Variants in OPHN1 observed in about 807,000 individuals in gnomAD.
OPHN1 encodes oligophrenin-1.
OPHN1 carries 11 observed loss-of-function variants against 60.7 expected under a neutral mutation model. The ratio of observed to expected loss-of-function variants is 0.18; its 90% CI spans 0.11 to 0.30. The LOEUF is 0.30. Ranked by LOEUF, OPHN1 falls within the 10% of genes least tolerant of loss-of-function variation. The pLI, the probability that OPHN1 is intolerant of heterozygous loss-of-function variation, is 1.00. For missense variants in OPHN1, 449 were observed against 611.0 expected (o/e 0.73, Z 2.80); for synonymous variants, 226 against 222.6 (o/e 1.02, Z -0.14).
Position 68,278,338 on chromosome X carries a change from T to G in OPHN1, c.313-3529A>C, listed in dbSNP as rs149254879. On this transcript the variant is annotated intron_variant, in intron 4 of 24. Transcript: ENST00000355520. Reference sequence around the variant, plus strand: ...GCAATGACTCCCCTTTGAAGTAAATTTGGCCTTTAATCTCTTTTCTAATCA... The same window carrying G: ...GCAATGACTCCCCTTTGAAGTAAATGTGGCCTTTAATCTCTTTTCTAATCA... Among the ~76,000 whole-genome samples the G allele has an allele frequency of 3.8e-3, 425 of 112,281 alleles. 1 individual carries two copies. Among genetic ancestry groups the G allele is most frequent in the South Asian group, 7.1e-3 (19 of 2,673 alleles).
chrX:68,389,670 A>AAAAG, intron 2 of OPHN1, among the ~76,000 whole-genome samples: 1 of 106,524 alleles, frequency 9.4e-6, no homozygotes, highest in Non-Finnish European at 1.9e-5. Flanking sequence ...AAAAAAAAAA[A>AAAAG]GCCATAAAAA....
intron 5 of OPHN1, among the ~76,000 whole-genome samples, chrX:68,254,915 G>A (rs146648334): frequency 1.8e-5 from 2 of 108,194 alleles, no homozygotes; most frequent in Non-Finnish European, 3.8e-5. Flanking sequence ...CTACCTGGGC[G>A]GGGCTGAGGC....
chrX:68,140,889 G>C (rs955905715), intron 15 of OPHN1, among the ~76,000 whole-genome samples: 1 of 111,314 alleles, frequency 9.0e-6, no homozygotes, highest in African/African-American at 3.3e-5. Context: ...CAGACAATGA[G>C]GCTTCAGGGA....
intron 2 of OPHN1, among the ~76,000 whole-genome samples, chrX:68,320,263 C>T (rs1348850508): frequency 9.0e-6 from 1 of 111,006 alleles, no homozygotes. Context: ...GCAGGAGAAT[C>T]GCTTGAACCC....
At chrX:68,195,367 G>T (rs1880195310) in intron 12 of OPHN1, among the ~76,000 whole-genome samples, 1 of 112,115 alleles carries the variant, frequency 8.9e-6, no homozygotes, top group South Asian at 3.8e-4. Flanking sequence ...ACCAAGATTT[G>T]TCTGTGTTGT....
intron 4 of OPHN1, among the ~76,000 whole-genome samples, chrX:68,279,349 G>A (rs1336232025): frequency 1.9e-5 from 2 of 107,687 alleles, no homozygotes; most frequent in Admixed American, 1.0e-4. Context: ...GGCCTCAAGC[G>A]ATCTGCCTGC....
intron 2 of OPHN1, among the ~76,000 whole-genome samples, chrX:68,369,449 GACAA>G (rs2078516201): frequency 1.8e-5 from 2 of 110,958 alleles, no homozygotes; most frequent in South Asian, 3.8e-4. Context: ...AAAATCACAA[GACAA>G]ACAAAGAAAC....
intron 18 of OPHN1, 73 bp downstream of exon 18, chrX:68,111,781 G>A: frequency 1.4e-6 from 1 of 710,110 alleles, no homozygotes; most frequent in Admixed American, 2.2e-5. Context: ...CTGAGAGGCA[G>A]TTTCTGTGTA....
intron 2 of OPHN1, among the ~76,000 whole-genome samples, chrX:68,384,448 C>T (rs2078613748): frequency 1.8e-5 from 2 of 111,936 alleles, no homozygotes; most frequent in Admixed American, 1.9e-4. Flanking sequence ...GGCCGGGCAC[C>T]GTGGCTCACG....
chrX:68,293,586 T>C (rs887716237), intron 3 of OPHN1, among the ~76,000 whole-genome samples: 3 of 112,201 alleles, frequency 2.7e-5, no homozygotes, highest in Admixed American at 1.9e-4. Flanking sequence ...TAAAACCCCA[T>C]GGGTGACATT....
intron 2 of OPHN1, among the ~76,000 whole-genome samples, chrX:68,323,144 T>C (rs894726798): frequency 8.9e-6 from 1 of 112,087 alleles, no homozygotes; most frequent in African/African-American, 3.2e-5. Flanking sequence ...ATAAAATGCA[T>C]AGAACGATAC....
chrX:68,221,061 G>A (rs1218077964), intron 6 of OPHN1, among the ~76,000 whole-genome samples: 3 of 102,660 alleles, frequency 2.9e-5, no homozygotes, highest in Non-Finnish European at 6.0e-5. Context: ...ATCTCCTTAA[G>A]CTGATAAGCA....
At chrX:68,310,170 G>T (rs2078166068) in intron 2 of OPHN1, among the ~76,000 whole-genome samples, 1 of 111,130 alleles carries the variant, frequency 9.0e-6, no homozygotes, top group African/African-American at 3.3e-5. Context: ...AACAAGAATT[G>T]ACTATATGTG....
chrX:68,073,522 T>C (rs982169677), intron 19 of OPHN1, among the ~76,000 whole-genome samples: 1 of 111,980 alleles, frequency 8.9e-6, no homozygotes, highest in South Asian at 3.7e-4. Context: ...CTTCTCAGTT[T>C]GGAAGAAAAA....
At chrX:68,317,392 G>A (rs187441481) in intron 2 of OPHN1, among the ~76,000 whole-genome samples, 171 of 58,733 alleles carry the variant, frequency 2.9e-3, no homozygotes, top group African/African-American at 3.8e-3. Flanking sequence ...AGGAAGGAAG[G>A]AAGGAAGGAA....
In OPHN1 at chrX:68,145,506, A is replaced by G. The variant is rs1164734035; in HGVS notation, c.1277-26174T>C. Among the ~76,000 whole-genome samples, 7 of 111,993 alleles carry G rather than the reference A, an allele frequency of 6.3e-5. No homozygotes were observed. In the Admixed American group the frequency reaches 6.6e-4, roughly 11 times the overall value. ...TTGCATACTAATGTTTTTTATTCGT[A>G]AAGTATTTCAAATATAAAGACAAAA... is the stretch of plus-strand genomic sequence containing the variant. On this transcript the variant is annotated intron_variant, in intron 15 of 24. Transcript: ENST00000355520.
chrX:68,376,472 C>A (rs749703115), intron 2 of OPHN1, among the ~76,000 whole-genome samples: 1 of 110,905 alleles, frequency 9.0e-6, no homozygotes, highest in Admixed American at 9.7e-5. Context: ...AGATAGGAAA[C>A]AGAGATAAAG....
chrX:68,042,506 T>C lies in OPHN1; in HGVS notation c.*4666A>G, dbSNP rs1201338765. 3 of 111,307 alleles carry C rather than the reference T, an allele frequency of 2.7e-5. No homozygotes were observed. Among genetic ancestry groups the C allele is most frequent in the Non-Finnish European group, 5.7e-5 (3 of 53,062 alleles). 9.2% of individuals were successfully genotyped at this position (111,307 alleles called of 1,213,427 possible). On this transcript the variant is annotated 3_prime_UTR_variant, in exon 25 of 25. Coordinates refer to ENST00000355520, the MANE Select transcript of OPHN1 (RefSeq NM_002547.3). ...AAGTGCTTCATTTCCCCCAGGAAAATGAAGGCTTTTCTTTATCGAAAACTT... is the reference window on the plus strand; with the variant it reads ...AAGTGCTTCATTTCCCCCAGGAAAACGAAGGCTTTTCTTTATCGAAAACTT...
intron 15 of OPHN1, among the ~76,000 whole-genome samples, chrX:68,126,045 C>G (rs2077170487): frequency 9.8e-6 from 1 of 101,552 alleles, no homozygotes; most frequent in Non-Finnish European, 2.0e-5. Flanking sequence ...TCATCATGAC[C>G]AAGTGGGATT....
Sources: gnomAD v4.1 joint callset for allele counts (sites outside exome capture counted in the v4.1 genomes callset) on GRCh38, gnomAD v4.1.1 for gene constraint, MANE v1.5 for transcripts, NCBI Gene and HGNC (gene_info 2026-07-23, HGNC 2026-07-21) for gene names.